The following SPATS2L variants were observed in gnomAD, a reference collection of about 807,000 sequenced individuals.
SPATS2L encodes the protein SPATS2-like protein.
In SPATS2L, 30 loss-of-function variants were observed where a neutral mutation model predicts 59.6. That is an observed-to-expected ratio of 0.50 (90% CI 0.38 to 0.68). SPATS2L has a LOEUF of 0.68. SPATS2L is among the 30% of genes least tolerant of loss of function. SPATS2L has a pLI of 0.00. For synonymous variants in SPATS2L, 252 were observed against 263.5 expected, an observed-to-expected ratio of 0.96 and a Z score of 0.42; for missense variants, 615 against 700.0, an observed-to-expected ratio of 0.88 and a Z score of 1.37.
intron 2 of SPATS2L, among the ~76,000 whole-genome samples, chr2:200,363,604 G>T (rs2081178799): frequency 6.6e-6 from 1 of 152,204 alleles, no homozygotes; most frequent in South Asian, 2.1e-4. Flanking sequence ...TAAATACATA[G>T]CTCTTCCCAA....
chr2:200,413,394 T>G (rs2082952358), intron 4 of SPATS2L, among the ~76,000 whole-genome samples: 1 of 152,222 alleles, frequency 6.6e-6, no homozygotes, highest in Admixed American at 6.5e-5. Context: ...AGGAATACGT[T>G]TATCCTATAA....
chr2:200,424,646 G>A (rs1181233659), intron 6 of SPATS2L, among the ~76,000 whole-genome samples: 1 of 152,120 alleles, frequency 6.6e-6, no homozygotes, highest in Non-Finnish European at 1.5e-5. Context: ...AGGCTCATAA[G>A]CTAAAATGTA....
At chr2:200,358,454 G>A (rs1369796943) in intron 2 of SPATS2L, among the ~76,000 whole-genome samples, 1 of 152,202 alleles carries the variant, frequency 6.6e-6, no homozygotes, top group Non-Finnish European at 1.5e-5. Flanking sequence ...ATACAGTGGA[G>A]TTCACATACA....
intron 3 of SPATS2L, among the ~76,000 whole-genome samples, chr2:200,411,278 G>C (rs940698087): frequency 1.3e-5 from 2 of 151,982 alleles, no homozygotes; most frequent in Non-Finnish European, 2.9e-5. Context: ...CAGGAAATAG[G>C]CCATCTTGTT....
chr2:200,417,987 CAT>C (rs1249832836), intron 5 of SPATS2L, among the ~76,000 whole-genome samples: 1 of 152,044 alleles, frequency 6.6e-6, no homozygotes. Context: ...AAACATATAA[CAT>C]AATTAGGAAC....
chr2:200,412,661 A>ATC (rs1299677329), intron 4 of SPATS2L, among the ~76,000 whole-genome samples: 2 of 151,662 alleles, frequency 1.3e-5, no homozygotes, highest in Non-Finnish European at 2.9e-5. Flanking sequence ...GAAGTTCTTT[A>ATC]TCTCTCATTT....
intron 2 of SPATS2L, among the ~76,000 whole-genome samples, chr2:200,359,954 A>G (rs1473091665): frequency 6.6e-6 from 1 of 152,210 alleles, no homozygotes; most frequent in African/African-American, 2.4e-5. Context: ...AGTGCTCAAA[A>G]TAATCCTTTG....
At chr2:200,333,771 C>T (rs901084786) in intron 2 of SPATS2L, among the ~76,000 whole-genome samples, 1 of 151,896 alleles carries the variant, frequency 6.6e-6, no homozygotes, top group Non-Finnish European at 1.5e-5. Flanking sequence ...TTTGTTCTTG[C>T]GATAGTTTGC....
intron 2 of SPATS2L, among the ~76,000 whole-genome samples, chr2:200,343,917 T>C (rs2080416872): frequency 6.6e-6 from 1 of 152,112 alleles, no homozygotes; most frequent in Admixed American, 6.5e-5. Flanking sequence ...TTTAAGAGTT[T>C]TAAAAGTTGT....
At chr2:200,430,480 G>A (rs576454909) in intron 6 of SPATS2L, among the ~76,000 whole-genome samples, 4 of 151,346 alleles carry the variant, frequency 2.6e-5, no homozygotes, top group Non-Finnish European at 5.9e-5. Flanking sequence ...AACAACCACC[G>A]TTAAATTTTA....
At chr2:200,379,165 T>C (rs546546591) in intron 2 of SPATS2L, among the ~76,000 whole-genome samples, 2 of 152,332 alleles carry the variant, frequency 1.3e-5, no homozygotes, top group East Asian at 3.9e-4. Context: ...TCATCATTGA[T>C]CTTTAAGCTC....
At chr2:200,341,921 A>G (rs1390216204) in intron 2 of SPATS2L, among the ~76,000 whole-genome samples, 1 of 151,964 alleles carries the variant, frequency 6.6e-6, no homozygotes, top group South Asian at 2.1e-4. Flanking sequence ...TGATCTCCTG[A>G]CCACGATCCG....
intron 3 of SPATS2L, among the ~76,000 whole-genome samples, chr2:200,403,951 C>A (rs562029625): frequency 1.3e-5 from 2 of 152,268 alleles, no homozygotes; most frequent in East Asian, 3.9e-4. Flanking sequence ...CATAAATTTT[C>A]CCCTTCACAA....
At chr2:200,477,244 CCT>C (rs934101500) in intron 12 of SPATS2L, among the ~76,000 whole-genome samples, 1 of 152,072 alleles carries the variant, frequency 6.6e-6, no homozygotes, top group African/African-American at 2.4e-5. Context: ...GCCTCCTGTC[CCT>C]CTCAGTCTCT....
At chr2:200,364,325 A>G (rs1559070065) in intron 2 of SPATS2L, among the ~76,000 whole-genome samples, 1 of 152,202 alleles carries the variant, frequency 6.6e-6, no homozygotes, top group East Asian at 1.9e-4. Flanking sequence ...GAAGAATAGA[A>G]TGAGCTGTGT....
In SPATS2L at chr2:200,477,515, T is replaced by TAAAAAAAAAAAAAAAAAAAA. The variant is rs59073895; in HGVS notation, c.1282-117_1282-98dup. The TAAAAAAAAAAAAAAAAAAAA allele has an allele frequency of 8.3e-5, 25 of 302,684 alleles. 2 individuals carry two copies. The African/African-American group carries it at 8.7e-4, about 10-fold the overall frequency. 18.7% of individuals were successfully genotyped at this position (302,684 alleles called of 1,614,324 possible). On this transcript the variant is annotated intron_variant, in intron 12 of 12. Coordinates refer to ENST00000409140, the MANE Select transcript of SPATS2L (RefSeq NM_001100423.2). The stretch of plus-strand genomic sequence containing the variant: ...CATGTTTTCTGATTCTTCTGGTGTA[T>TAAAAAAAAAAAAAAAAAAAA]AAAAAAAAAAAAAAAAAAAAAAAGC...
chr2:200,340,742 C>T (rs2080297110), intron 2 of SPATS2L, among the ~76,000 whole-genome samples: 1 of 152,150 alleles, frequency 6.6e-6, no homozygotes, highest in Non-Finnish European at 1.5e-5. Flanking sequence ...TTAGCTTGAC[C>T]TTTCATTGTG....
Position 200,384,040 on chromosome 2 carries a change from G to T in SPATS2L, c.-22-5183G>T, listed in dbSNP as rs559983563. ...TAGGTCAGTACATTGATAGAACTTT[G>T]CATGTTTTATGTGATTGCATTAGAA... is the stretch of plus-strand genomic sequence containing the variant. On this transcript the variant is annotated intron_variant, in intron 2 of 12. Coordinates refer to ENST00000409140, the MANE Select transcript of SPATS2L (RefSeq NM_001100423.2). 5.0e-6 allele frequency: 5 copies of T among 994,002 alleles called. No homozygotes were observed. The South Asian group carries it at 1.9e-4, about 38-fold the overall frequency. 61.6% of individuals were successfully genotyped at this position (994,002 alleles called of 1,614,324 possible). A position where few individuals can be genotyped will look rare whatever the true frequency, so the allele number is the denominator to read the frequency against.
At chr2:200,372,121 A>G (rs967975050) in intron 2 of SPATS2L, 1 of 985,458 alleles carries the variant, frequency 1.0e-6, no homozygotes. Context: ...TTCAGACAAC[A>G]CATGACTAAG....
Sources: allele counts gnomAD v4.1 joint callset (sites outside exome capture counted in the v4.1 genomes callset), GRCh38; gene constraint gnomAD v4.1.1; transcripts MANE v1.5; gene names NCBI Gene and HGNC (gene_info 2026-07-23, HGNC 2026-07-21).